POLK: variants seen among roughly 807,000 people sequenced by gnomAD.
POLK encodes DNA polymerase kappa.
POLK carries 76 observed loss-of-function variants against 94.0 expected under a neutral mutation model. The ratio of observed to expected loss-of-function variants is 0.81; its 90% CI spans 0.67 to 0.98. The LOEUF (loss-of-function observed/expected upper bound fraction) is 0.98, where lower values mean the gene tolerates loss of function less well. Ranked by LOEUF, POLK falls within the 50% of genes least tolerant of loss-of-function variation. The probability of loss-of-function intolerance (pLI) is 0.00; values close to 1 mark genes in which losing one functional copy is unlikely to be tolerated. For synonymous variants in POLK, 349 were observed against 325.4 expected (o/e 1.07, Z -0.78); for missense variants, 954 against 1,010.1 (o/e 0.94, Z 0.75).
At chr5:75,552,429 C>T (rs745785214) in intron 2 of POLK, 43 bp from the exon 3 acceptor site, 2 of 1,589,710 alleles carry the variant, frequency 1.3e-6, no homozygotes, top group Admixed American at 1.8e-5. Context: ...TGATGCTTTC[C>T]TTCAGACATT....
chr5:75,514,864 C>CAA (rs779555957), intron 1 of POLK, among the ~76,000 whole-genome samples: 1 of 130,036 alleles, frequency 7.7e-6, no homozygotes, highest in Non-Finnish European at 1.7e-5. Flanking sequence ...GACCCTGTCT[C>CAA]AAAAAAAAAA....
chr5:75,529,684 G>A (rs1769051398), intron 1 of POLK, among the ~76,000 whole-genome samples: 1 of 151,810 alleles, frequency 6.6e-6, no homozygotes, highest in African/African-American at 2.4e-5. Flanking sequence ...ACACAGATGT[G>A]GAACCCATGG....
exon 15 of POLK, chr5:75,600,425 G>A (rs926913302): frequency 6.6e-5 from 10 of 152,090 alleles, no homozygotes; most frequent in African/African-American, 2.2e-4. Flanking sequence ...TCAAAACCTA[G>A]CAATTGCACT....
intron 2 of POLK, among the ~76,000 whole-genome samples, chr5:75,548,597 A>G (rs1463635285): frequency 6.6e-6 from 1 of 151,430 alleles, no homozygotes; most frequent in East Asian, 1.9e-4. Flanking sequence ...AACACAATAC[A>G]TGTATTAATA....
At chr5:75,579,971 TAA>T (rs760963756) in intron 6 of POLK, among the ~76,000 whole-genome samples, 86 of 125,380 alleles carry the variant, frequency 6.9e-4, no homozygotes, top group Admixed American at 1.9e-3. Flanking sequence ...GACCCTGTCT[TAA>T]AAAAAAAAAA....
chr5:75,546,919 G>A (rs1413518873), intron 1 of POLK, 91 bp from the exon 2 acceptor site: 24 of 533,726 alleles, frequency 4.5e-5, no homozygotes, highest in East Asian at 6.5e-5. Context: ...TGCCCGCCTC[G>A]GCCTCCCAAA....
chr5:75,576,628 GGATT>G (rs1292905367), intron 5 of POLK, 148 bp from the exon 6 acceptor site: 2 of 397,812 alleles, frequency 5.0e-6, no homozygotes, highest in Non-Finnish European at 9.1e-6. Context: ...CCCTGGTAGT[GGATT>G]ATTTATTCCT....
Position 75,574,449 on chromosome 5 carries a change from C to A in POLK, c.540+580C>A, listed in dbSNP as rs187096729. On this transcript the variant is annotated intron_variant, in intron 5 of 14. Transcript: ENST00000241436. Reference sequence around the variant, plus strand: ...TTGCCAAACTGTCATATGTGAAAACCGCCATTTTTTCTATTTTTTATGACA... The same window carrying A: ...TTGCCAAACTGTCATATGTGAAAACAGCCATTTTTTCTATTTTTTATGACA... Among the ~76,000 whole-genome samples, 5 of 152,012 alleles carry A rather than the reference C, an allele frequency of 3.3e-5. No individual in the cohort carries two copies. The East Asian group carries it at 9.6e-4, about 29-fold the overall frequency.
chr5:75,585,162 G>A (rs1772400285), intron 9 of POLK, among the ~76,000 whole-genome samples: 1 of 152,172 alleles, frequency 6.6e-6, no homozygotes, highest in African/African-American at 2.4e-5. Context: ...CAAGAGGAAT[G>A]ATAGTTTCTT....
At chr5:75,573,677 A>C (rs997029668) in intron 4 of POLK, 61 bp from the exon 5 acceptor site, 2 of 1,318,898 alleles carry the variant, frequency 1.5e-6, no homozygotes, top group Non-Finnish European at 2.2e-6. Flanking sequence ...TTATGAATGC[A>C]TTGATCAATA....
chr5:75,545,828 AAC>A (rs746210387), intron 1 of POLK, among the ~76,000 whole-genome samples: 1 of 152,246 alleles, frequency 6.6e-6, no homozygotes, highest in Non-Finnish European at 1.5e-5. Context: ...CCTGGGTTCC[AAC>A]ACATGTGTTG....
intron 1 of POLK, among the ~76,000 whole-genome samples, chr5:75,513,109 T>C (rs926527825): frequency 6.6e-6 from 1 of 152,186 alleles, no homozygotes; most frequent in African/African-American, 2.4e-5. Context: ...TTAATTACGA[T>C]TCTGAATGGT....
chr5:75,532,443 T>C (rs975610551), intron 1 of POLK, among the ~76,000 whole-genome samples: 1 of 152,216 alleles, frequency 6.6e-6, no homozygotes, highest in Admixed American at 6.5e-5. Context: ...AGTATTCCTT[T>C]GTGTATATGT....
chr5:75,554,158 A>G (rs1264632882), intron 3 of POLK, among the ~76,000 whole-genome samples: 1 of 152,194 alleles, frequency 6.6e-6, no homozygotes, highest in Non-Finnish European at 1.5e-5. Flanking sequence ...ACATGGCCAC[A>G]CCTAACTGCA....
chr5:75,546,790 C>G (rs981445901), intron 1 of POLK, among the ~76,000 whole-genome samples: 2 of 152,068 alleles, frequency 1.3e-5, no homozygotes, highest in African/African-American at 2.4e-5. Flanking sequence ...CTCAGCCTCC[C>G]TAGTAGCTGG....
intron 3 of POLK, 103 bp from the exon 4 acceptor site, chr5:75,569,237 A>T (rs1366111279): frequency 4.0e-6 from 3 of 759,236 alleles, no homozygotes; most frequent in Non-Finnish European, 6.3e-6. Flanking sequence ...GGGTGTGTGG[A>T]CAGAGACTGA....
chr5:75,521,779 T>TC (rs1013537965), intron 1 of POLK, among the ~76,000 whole-genome samples: 2 of 149,082 alleles, frequency 1.3e-5, no homozygotes, highest in African/African-American at 5.0e-5. Flanking sequence ...TTTTTTTTTT[T>TC]CTGCTAGGTC....
chr5:75,597,821 C>A, intron 14 of POLK, 32 bp downstream of exon 14: 1 of 1,374,176 alleles, frequency 7.3e-7, no homozygotes, highest in Non-Finnish European at 9.9e-7. Context: ...ATAAAGCTGG[C>A]TACAATATGA....
chr5:75,540,621 T>A (rs1769688070), intron 1 of POLK, among the ~76,000 whole-genome samples: 3 of 152,162 alleles, frequency 2.0e-5, no homozygotes, highest in Admixed American at 1.3e-4. Flanking sequence ...AAAATTGTAA[T>A]ATTCTAGATT....
Sources: gnomAD v4.1 joint callset for allele counts (sites outside exome capture counted in the v4.1 genomes callset) on GRCh38, gnomAD v4.1.1 for gene constraint, MANE v1.5 for transcripts, NCBI Gene and HGNC (gene_info 2026-07-23, HGNC 2026-07-21) for gene names.